The following RBFOX1 variants were observed in gnomAD, a reference collection of about 807,000 sequenced individuals.
RBFOX1 encodes the protein RNA binding protein fox-1 homolog 1.
Under a neutral mutation model 57.7 loss-of-function variants are expected in RBFOX1, and 8 were observed. The observed-to-expected ratio is 0.14, with a 90% CI of 0.08 to 0.25. The LOEUF (loss-of-function observed/expected upper bound fraction) is 0.25. Ranked by LOEUF, RBFOX1 falls within the 10% of genes least tolerant of loss-of-function variation. The probability of loss-of-function intolerance (pLI) is 1.00; values close to 1 mark genes in which losing one functional copy is unlikely to be tolerated. For synonymous variants in RBFOX1, 326 were observed against 222.4 expected (o/e 1.47, Z -4.15); for missense variants, 611 against 548.5 (o/e 1.11, Z -1.14).
intron 1 of RBFOX1, among the ~76,000 whole-genome samples, chr16:6,288,961 A>G (rs927972987): frequency 1.3e-5 from 2 of 152,086 alleles, no homozygotes; most frequent in African/African-American, 4.8e-5. Flanking sequence ...GTATAGACCA[A>G]CTTCTTTAGC....
At chr16:6,208,889 C>G (rs1482193916) in intron 1 of RBFOX1, among the ~76,000 whole-genome samples, 1 of 152,124 alleles carries the variant, frequency 6.6e-6, no homozygotes, top group East Asian at 1.9e-4. Flanking sequence ...AGTGTTCCCC[C>G]TACAAGGAGG....
chr16:5,987,677 G>A (rs545829447), intron 4 of RBFOX1, among the ~76,000 whole-genome samples: 1 of 152,224 alleles, frequency 6.6e-6, no homozygotes, highest in African/African-American at 2.4e-5. Flanking sequence ...AGTAGCCACC[G>A]TACTGCAGCC....
chr16:6,079,555 C>T (rs2095966911), intron 1 of RBFOX1, among the ~76,000 whole-genome samples: 1 of 150,424 alleles, frequency 6.6e-6, no homozygotes, highest in South Asian at 2.3e-4. Context: ...AACTCCTGGG[C>T]TCAACTGATC....
At chr16:5,996,446 A>C (rs1169788556) in intron 4 of RBFOX1, among the ~76,000 whole-genome samples, 1 of 89,892 alleles carries the variant, frequency 1.1e-5, no homozygotes, top group Non-Finnish European at 2.2e-5. Context: ...CGGAGGTGTG[A>C]GGGTGATTTT....
chr16:7,232,808 A>G (rs1012328523), intron 4 of RBFOX1, among the ~76,000 whole-genome samples: 10 of 148,870 alleles, frequency 6.7e-5, no homozygotes, highest in Non-Finnish European at 1.0e-4. Flanking sequence ...GCCATTGGTC[A>G]TTACACTCCA....
intron 1 of RBFOX1, among the ~76,000 whole-genome samples, chr16:5,368,542 C>G (rs1343026255): frequency 6.6e-6 from 1 of 152,142 alleles, no homozygotes; most frequent in African/African-American, 2.4e-5. Flanking sequence ...ATTGGGTAAT[C>G]TAATTCTGCA....
intron 3 of RBFOX1, among the ~76,000 whole-genome samples, chr16:6,694,757 T>C (rs1004992502): frequency 2.0e-5 from 3 of 152,184 alleles, no homozygotes; most frequent in Admixed American, 2.0e-4. Flanking sequence ...AATTCCAGCA[T>C]TGCCTCTCAT....
chr16:6,440,798 C>G (rs1265304447), intron 2 of RBFOX1, among the ~76,000 whole-genome samples: 1 of 108,926 alleles, frequency 9.2e-6, no homozygotes, highest in East Asian at 2.7e-4. Context: ...GAGACACCAT[C>G]TGGAAAAAAA....
At chr16:7,277,453 A>G (rs2095462772) in intron 4 of RBFOX1, among the ~76,000 whole-genome samples, 1 of 152,230 alleles carries the variant, frequency 6.6e-6, no homozygotes, top group African/African-American at 2.4e-5. Flanking sequence ...AAGCTATTCT[A>G]ATAATCAAAG....
intron 4 of RBFOX1, among the ~76,000 whole-genome samples, chr16:7,062,343 A>G (rs1443503608): frequency 2.7e-5 from 4 of 148,064 alleles, no homozygotes; most frequent in Admixed American, 1.4e-4. Flanking sequence ...AAAAAAGAAA[A>G]GAAAAAAGGA....
chr16:5,979,362 C>G (rs528150419), intron 4 of RBFOX1, among the ~76,000 whole-genome samples: 4 of 152,280 alleles, frequency 2.6e-5, no homozygotes, highest in South Asian at 2.1e-4. Context: ...ACAACCATAG[C>G]CAGCAGTCAA....
chr16:5,926,303 A>T (rs536567672), intron 4 of RBFOX1, among the ~76,000 whole-genome samples: 1 of 152,132 alleles, frequency 6.6e-6, no homozygotes, highest in Non-Finnish European at 1.5e-5. Flanking sequence ...TGGAAATCCT[A>T]TGTGTAAAAT....
intron 3 of RBFOX1, among the ~76,000 whole-genome samples, chr16:7,034,103 A>G (rs1384534767): frequency 6.6e-6 from 1 of 152,172 alleles, no homozygotes; most frequent in Non-Finnish European, 1.5e-5. Flanking sequence ...GCCATGGCTT[A>G]AGTGCCATCC....
At chr16:5,775,159 G>C (rs1179500128) in intron 3 of RBFOX1, among the ~76,000 whole-genome samples, 1 of 152,202 alleles carries the variant, frequency 6.6e-6, no homozygotes, top group Non-Finnish European at 1.5e-5. Context: ...TCAGCTCAAA[G>C]TAACTCACAT....
At chr16:6,232,659 G>A (rs1360060559) in intron 1 of RBFOX1, among the ~76,000 whole-genome samples, 3 of 152,164 alleles carry the variant, frequency 2.0e-5, no homozygotes, top group Non-Finnish European at 2.9e-5. Flanking sequence ...GAGGAAGATC[G>A]GAGTCCTTAG....
At chr16:6,919,981 G>T (rs1244585090) in intron 3 of RBFOX1, among the ~76,000 whole-genome samples, 3 of 151,826 alleles carry the variant, frequency 2.0e-5, no homozygotes, top group African/African-American at 7.2e-5. Flanking sequence ...CATCATTCTT[G>T]CCCCTTTGCA....
At chr16:6,650,774 G>A (rs893401362) in intron 2 of RBFOX1, among the ~76,000 whole-genome samples, 3 of 152,130 alleles carry the variant, frequency 2.0e-5, no homozygotes, top group African/African-American at 7.2e-5. Context: ...TAAATCACCA[G>A]CTTCTCATAT....
At chr16:6,548,723 C>G (rs192459419) in intron 2 of RBFOX1, among the ~76,000 whole-genome samples, 10 of 152,284 alleles carry the variant, frequency 6.6e-5, no homozygotes, top group Admixed American at 5.9e-4. Flanking sequence ...TCTCTCAGAT[C>G]TGCTTCCTCT....
rs1325936807 is a variant in RBFOX1 at position 6,654,452 on chromosome 16, T to A, written c.-63-151T>A. On this transcript the variant is annotated intron_variant, in intron 2 of 15. Transcript: ENST00000550418. Reference sequence around the variant, plus strand: ...CGCAGTATGTACCTTTAAAAAGCACTATAAAGAGCAATGACTCGAGAAAGA... The same window carrying A: ...CGCAGTATGTACCTTTAAAAAGCACAATAAAGAGCAATGACTCGAGAAAGA... 4 of 613,500 alleles carry A rather than the reference T, an allele frequency of 6.5e-6. No homozygotes were observed. In the Admixed American group the frequency reaches 1.1e-4, roughly 18 times the overall value. 38.0% of individuals were successfully genotyped at this position (613,500 alleles called of 1,614,324 possible). A position where few individuals can be genotyped will look rare whatever the true frequency, so the allele number is the denominator to read the frequency against.
Sources: allele counts gnomAD v4.1 joint callset (sites outside exome capture counted in the v4.1 genomes callset), GRCh38; gene constraint gnomAD v4.1.1; transcripts MANE v1.5; gene names NCBI Gene and HGNC (gene_info 2026-07-23, HGNC 2026-07-21).